Variants in KCTD5 observed in about 807,000 individuals in gnomAD.
KCTD5 encodes the protein potassium channel tetramerization domain containing 5.
KCTD5 carries 12 observed loss-of-function variants against 27.9 expected under a neutral mutation model. The observed-to-expected ratio is 0.43, with a 90% CI of 0.28 to 0.70. The LOEUF is 0.70. Among genes scored for constraint, KCTD5 ranks in the 30% least tolerant of loss-of-function variants. The probability of loss-of-function intolerance (pLI) is 0.19; values close to 1 mark genes in which losing one functional copy is unlikely to be tolerated. For missense variants in KCTD5, 226 were observed against 274.8 expected (o/e 0.82, Z 1.26); for synonymous variants, 147 against 121.4 (o/e 1.21, Z -1.39).
rs571685580 is a variant in KCTD5, at chr16:2,682,820, G to T, written c.252+20G>T. 1 of 1,574,308 alleles carries T rather than the reference G, an allele frequency of 6.4e-7. No individual in the cohort carries two copies. Among genetic ancestry groups the T allele is most frequent in the Non-Finnish European group, 8.6e-7 (1 of 1,163,786 alleles). ...GACAAGGTGAGGGCCTCACGGGCCA[G>T]CCCGGAGGGTCCTGGCCTTCCCGGC... On this transcript the variant is annotated intron_variant, in intron 1 of 5. Transcript: ENST00000301738.
intron 1 of KCTD5, among the ~76,000 whole-genome samples, chr16:2,693,596 C>T (rs537614843): frequency 5.3e-5 from 8 of 152,348 alleles, no homozygotes; most frequent in Admixed American, 3.3e-4. Flanking sequence ...CGCCGATGGC[C>T]GTCCCCACCC....
intron 1 of KCTD5, chr16:2,684,554 AG>A (rs2067531727): frequency 6.6e-6 from 1 of 151,076 alleles, no homozygotes; most frequent in Admixed American, 6.6e-5. Context: ...TCACGAGGTC[AG>A]GAGATCGAGA....
At chr16:2,698,393 G>T (rs748681271) in intron 3 of KCTD5, among the ~76,000 whole-genome samples, 1 of 152,258 alleles carries the variant, frequency 6.6e-6, no homozygotes, top group Non-Finnish European at 1.5e-5. Flanking sequence ...CAGATGGGTC[G>T]TGTGGGTCTG....
intron 3 of KCTD5, among the ~76,000 whole-genome samples, chr16:2,698,526 C>T (rs1450972281): frequency 6.6e-6 from 1 of 152,342 alleles, no homozygotes; most frequent in South Asian, 2.1e-4. Flanking sequence ...GGGCTCTGCC[C>T]AGTACCTCCT....
intron 1 of KCTD5, among the ~76,000 whole-genome samples, chr16:2,690,652 G>T (rs2067562313): frequency 1.3e-5 from 2 of 152,212 alleles, no homozygotes; most frequent in South Asian, 4.1e-4. Context: ...CATCTCACTG[G>T]CTTCCTGGCC....
chr16:2,702,561 A>G (rs1475623299), intron 5 of KCTD5, 83 bp downstream of exon 5: 1 of 1,534,232 alleles, frequency 6.5e-7, no homozygotes, highest in Non-Finnish European at 8.8e-7. Flanking sequence ...CTTTTCTGCC[A>G]TTCTCATCAA....
At chr16:2,700,004 C>A in intron 4 of KCTD5, 88 bp downstream of exon 4, 1 of 1,243,084 alleles carries the variant, frequency 8.0e-7, no homozygotes, top group Non-Finnish European at 1.2e-6. Context: ...CCTGGAAATG[C>A]AGACTTTGCT....
intron 1 of KCTD5, among the ~76,000 whole-genome samples, chr16:2,686,875 T>G (rs1224220924): frequency 6.6e-6 from 1 of 151,966 alleles, no homozygotes; most frequent in Non-Finnish European, 1.5e-5. Context: ...GGGGATCACG[T>G]CTAGTGGAGA....
At chr16:2,693,079 G>A (rs976704716) in intron 1 of KCTD5, among the ~76,000 whole-genome samples, 4 of 152,246 alleles carry the variant, frequency 2.6e-5, no homozygotes, top group African/African-American at 9.6e-5. Flanking sequence ...CATCTTCAGT[G>A]GGGTGGGTGT....
intron 5 of KCTD5, among the ~76,000 whole-genome samples, chr16:2,705,225 C>T (rs2067630369): frequency 6.6e-6 from 1 of 152,132 alleles, no homozygotes; most frequent in Non-Finnish European, 1.5e-5. Context: ...ACCCCATGGC[C>T]CCAGCTGACC....
chr16:2,704,626 G>A (rs1391730459), intron 5 of KCTD5, among the ~76,000 whole-genome samples: 1 of 152,236 alleles, frequency 6.6e-6, no homozygotes, highest in East Asian at 1.9e-4. Context: ...GGCAGAGGCC[G>A]GGGTCTCCCA....
intron 5 of KCTD5, among the ~76,000 whole-genome samples, chr16:2,706,228 C>T (rs918455464): frequency 5.3e-5 from 8 of 152,200 alleles, no homozygotes; most frequent in African/African-American, 1.9e-4. Context: ...CTGAGCAGCT[C>T]AGGGGACGTG....
At chr16:2,700,378 T>A (rs960611772) in intron 4 of KCTD5, among the ~76,000 whole-genome samples, 4 of 152,172 alleles carry the variant, frequency 2.6e-5, no homozygotes, top group Admixed American at 2.6e-4. Context: ...TTGCCTTCTC[T>A]CTGGTTTTGG....
chr16:2,702,126 G>C (rs1029514058), intron 4 of KCTD5, among the ~76,000 whole-genome samples: 1 of 152,208 alleles, frequency 6.6e-6, no homozygotes, highest in Non-Finnish European at 1.5e-5. Flanking sequence ...GAAAGCTCAG[G>C]GTCCTCACAG....
chr16:2,686,650 C>T (rs1464495529), intron 1 of KCTD5, among the ~76,000 whole-genome samples: 2 of 101,546 alleles, frequency 2.0e-5, no homozygotes, highest in African/African-American at 4.0e-5. Flanking sequence ...GAACTTTTGC[C>T]CTTTGAACAG....
At chr16:2,690,281 G>A (rs2067560283) in intron 1 of KCTD5, among the ~76,000 whole-genome samples, 1 of 152,230 alleles carries the variant, frequency 6.6e-6, no homozygotes, top group South Asian at 2.1e-4. Context: ...GGCGCTGTCT[G>A]CCATGTGCTC....
intron 3 of KCTD5, 94 bp downstream of exon 3, chr16:2,698,091 C>T (rs2142056697): frequency 1.1e-6 from 1 of 876,772 alleles, no homozygotes; most frequent in South Asian, 1.5e-5. Flanking sequence ...CAAATAAGTC[C>T]TGCGGTCTGG....
rs555409545 is a variant in KCTD5 at position 2,699,815 on chromosome 16, T to C, written c.454-6T>C. The C allele has an allele frequency of 1.9e-6, 3 of 1,612,988 alleles. No homozygotes were observed. Among genetic ancestry groups the C allele is most frequent in the South Asian group, 2.2e-5 (2 of 91,048 alleles). On this transcript the variant is annotated splice_region_variant and splice_polypyrimidine_tract_variant and intron_variant, in intron 3 of 5. Transcript: ENST00000301738. ...CCGCCCTTACCTGTGCCCATTGTCC[T>C]TGCAGGTGCCTGTGAAGCATGTGTA...
chr16:2,703,754 C>T (rs1437195350), intron 5 of KCTD5, among the ~76,000 whole-genome samples: 3 of 152,160 alleles, frequency 2.0e-5, no homozygotes, highest in African/African-American at 7.2e-5. Flanking sequence ...GCTCCACTGC[C>T]GTTCCTCGAG....
Sources: gnomAD v4.1 joint callset for allele counts (sites outside exome capture counted in the v4.1 genomes callset) on GRCh38, gnomAD v4.1.1 for gene constraint, MANE v1.5 for transcripts, NCBI Gene and HGNC (gene_info 2026-07-23, HGNC 2026-07-21) for gene names.